The following ANK2 variants were observed in gnomAD, a reference collection of about 807,000 sequenced individuals.
The protein encoded by ANK2 is ankyrin-2.
ANK2 carries 83 observed loss-of-function variants against 360.5 expected under a neutral mutation model. The ratio of observed to expected loss-of-function variants is 0.23; its 90% CI spans 0.19 to 0.28. The LOEUF (loss-of-function observed/expected upper bound fraction) is 0.28. Among genes scored for constraint, ANK2 ranks in the 10% least tolerant of loss-of-function variants. ANK2 has a pLI of 1.00. For synonymous variants in ANK2, 1,740 were observed against 1,759.5 expected, an observed-to-expected ratio of 0.99 and a Z score of 0.28; for missense variants, 4,201 against 4,795.7, an observed-to-expected ratio of 0.88 and a Z score of 3.66.
intron 22 of ANK2, among the ~76,000 whole-genome samples, chr4:113,297,392 G>T (rs895365087): frequency 6.6e-6 from 1 of 151,944 alleles, no homozygotes; most frequent in Non-Finnish European, 1.5e-5. Context: ...ACATCTAATT[G>T]GGTATTACTT....
At chr4:113,325,425 T>G (rs2089270774) in intron 26 of ANK2, among the ~76,000 whole-genome samples, 1 of 152,144 alleles carries the variant, frequency 6.6e-6, no homozygotes, top group Non-Finnish European at 1.5e-5. Flanking sequence ...AGTATAAGTC[T>G]CCCATTTTAT....
At chr4:112,958,246 T>C (rs895875697) in intron 2 of ANK2, among the ~76,000 whole-genome samples, 5 of 152,156 alleles carry the variant, frequency 3.3e-5, no homozygotes, top group Admixed American at 1.3e-4. Flanking sequence ...GGCAGGCGGC[T>C]GGGAGGTGGA....
intron 2 of ANK2, chr4:113,031,468 C>G (rs1332660789): frequency 2.0e-5 from 3 of 151,940 alleles, no homozygotes; most frequent in Non-Finnish European, 4.4e-5. Flanking sequence ...TGATCTGACT[C>G]TAAACTTCTT....
intron 5 of ANK2, among the ~76,000 whole-genome samples, chr4:113,234,810 C>T (rs1372807221): frequency 1.3e-5 from 2 of 152,038 alleles, no homozygotes; most frequent in African/African-American, 4.8e-5. Context: ...TTTAAATTTC[C>T]CATAATTATG....
At chr4:112,841,171 C>CTGAAT (rs1553937588) in intron 1 of ANK2, among the ~76,000 whole-genome samples, 1 of 151,288 alleles carries the variant, frequency 6.6e-6, no homozygotes, top group African/African-American at 2.4e-5. Flanking sequence ...CCTTCACTGC[C>CTGAAT]TGAAGACTGG....
At chr4:113,031,537 T>A (rs1258284707) in intron 2 of ANK2, 1 of 152,020 alleles carries the variant, frequency 6.6e-6, no homozygotes, top group African/African-American at 2.4e-5. Flanking sequence ...ATAATTAAAG[T>A]AAAGATATTA....
intron 1 of ANK2, among the ~76,000 whole-genome samples, chr4:112,878,229 T>G (rs946648624): frequency 1.3e-5 from 2 of 150,768 alleles, no homozygotes; most frequent in African/African-American, 4.9e-5. Context: ...AATTGATACC[T>G]CAATCTCAGC....
chr4:112,757,112 CTTTTTTTTTTT>C, the ANK2 span, among the ~76,000 whole-genome samples: 1 of 135,328 alleles, frequency 7.4e-6, no homozygotes, highest in Non-Finnish European at 1.6e-5. Flanking sequence ...CTTTTCTTTT[CTTTTTTTTTTT>C]TTTTTTGATA....
At chr4:113,061,334 C>T (rs1272067791) in intron 1 of ANK2, among the ~76,000 whole-genome samples, 2 of 152,110 alleles carry the variant, frequency 1.3e-5, no homozygotes, top group African/African-American at 4.8e-5. Context: ...GAATCACTGA[C>T]CCTCATCCAG....
chr4:112,983,738 GTTTTC>G (rs2043920256), intron 2 of ANK2, among the ~76,000 whole-genome samples: 1 of 152,032 alleles, frequency 6.6e-6, no homozygotes, highest in Admixed American at 6.6e-5. Flanking sequence ...ATCTCTTCCT[GTTTTC>G]TTTTCTCTTT....
chr4:113,360,945 A>G, intron 39 of ANK2, 48 bp downstream of exon 39: 1 of 1,488,666 alleles, frequency 6.7e-7, no homozygotes, highest in Non-Finnish European at 9.3e-7. Context: ...ACATAGATGC[A>G]TCAGTCAGGT....
intron 2 of ANK2, among the ~76,000 whole-genome samples, chr4:113,003,496 T>G (rs6810920): frequency 5.3e-5 from 8 of 152,016 alleles, no homozygotes; most frequent in Non-Finnish European, 1.2e-4. Context: ...CGAATATTAT[T>G]AAATACTATA....
chr4:112,805,663 C>A, the ANK2 span, among the ~76,000 whole-genome samples: 6 of 151,484 alleles, frequency 4.0e-5, no homozygotes, highest in East Asian at 1.2e-3. Flanking sequence ...CTCACTGCAA[C>A]CTCTGCCTCC....
chr4:113,088,804 G>A (rs1179656471), intron 1 of ANK2, among the ~76,000 whole-genome samples: 2 of 152,184 alleles, frequency 1.3e-5, no homozygotes, highest in Non-Finnish European at 2.9e-5. Flanking sequence ...GAGGCTCAGA[G>A]AAGTTGAATG....
At chr4:113,127,936 A>G (rs913725521) in intron 1 of ANK2, among the ~76,000 whole-genome samples, 1 of 152,202 alleles carries the variant, frequency 6.6e-6, no homozygotes, top group Non-Finnish European at 1.5e-5. Context: ...AAGAAAAAAG[A>G]GAAGAGTGAA....
At chr4:112,840,487 A>G (rs2149793999) in intron 1 of ANK2, among the ~76,000 whole-genome samples, 1 of 152,250 alleles carries the variant, frequency 6.6e-6, no homozygotes, top group East Asian at 1.9e-4. Flanking sequence ...ATCAAGGGGC[A>G]GATTCTGGGT....
intron 9 of ANK2, among the ~76,000 whole-genome samples, chr4:113,246,636 A>G (rs1490272897): frequency 6.6e-6 from 1 of 152,226 alleles, no homozygotes; most frequent in Non-Finnish European, 1.5e-5. Context: ...TTTCAAAGCA[A>G]ACAATAAAAA....
chr4:112,822,812 A>C (rs1346281227), intron 1 of ANK2, among the ~76,000 whole-genome samples: 2 of 152,184 alleles, frequency 1.3e-5, no homozygotes, highest in Admixed American at 1.3e-4. Flanking sequence ...TTTAATTCAA[A>C]ATAAAATTTC....
At chr4:113,287,566 T>C (rs1335139590) in intron 18 of ANK2, 39 bp from the exon 19 acceptor site, 3 of 1,428,154 alleles carry the variant, frequency 2.1e-6, no homozygotes, top group Non-Finnish European at 3.0e-6. Context: ...ATGTATTTTC[T>C]TCTTCAACTG....
Sources: gnomAD v4.1 joint callset for allele counts (sites outside exome capture counted in the v4.1 genomes callset) on GRCh38, gnomAD v4.1.1 for gene constraint, MANE v1.5 for transcripts, NCBI Gene and HGNC (gene_info 2026-07-23, HGNC 2026-07-21) for gene names.